SRFBP1: variants seen among roughly 807,000 people sequenced by gnomAD.
SRFBP1 encodes serum response factor-binding protein 1.
SRFBP1 carries 47 observed loss-of-function variants against 45.5 expected under a neutral mutation model. The observed-to-expected ratio is 1.03, with a 90% CI of 0.82 to 1.32. SRFBP1 has a LOEUF of 1.32. Among genes scored for constraint, SRFBP1 ranks in the 40% most tolerant of loss-of-function variants. The pLI is 0.00. For missense variants in SRFBP1, 621 were observed against 484.6 expected (o/e 1.28, Z -2.64); for synonymous variants, 203 against 166.3 (o/e 1.22, Z -1.70).
intron 2 of SRFBP1, among the ~76,000 whole-genome samples, chr5:122,035,757 CTT>C (rs1270864521): frequency 1.3e-5 from 2 of 152,100 alleles, no homozygotes; most frequent in Middle Eastern, 3.2e-3. Context: ...TGTGTTTTAT[CTT>C]ATGTAAGAGA....
At chr5:122,036,651 T>G (rs1753697826) in intron 2 of SRFBP1, among the ~76,000 whole-genome samples, 1 of 152,168 alleles carries the variant, frequency 6.6e-6, no homozygotes, top group Admixed American at 6.5e-5. Flanking sequence ...GTAAAAACCT[T>G]GAGCACCAAG....
At chr5:121,965,947 A>G (rs978398827) in intron 1 of SRFBP1, among the ~76,000 whole-genome samples, 10 of 152,182 alleles carry the variant, frequency 6.6e-5, no homozygotes, top group African/African-American at 1.7e-4. Context: ...TCTTTGTGCA[A>G]TTGTGAATCG....
rs1753130069 is a variant in SRFBP1, at chr5:122,013,205, T to C, written c.271-6055T>C. The stretch of plus-strand genomic sequence containing the variant: ...AGCACTCACTATGTCTGTATTGTAA[T>C]TTTTGAATATATTTTGTTAAGTATT... On this transcript the variant is annotated intron_variant, in intron 4 of 7. Transcript: ENST00000339397. Among the ~76,000 whole-genome samples the C allele has an allele frequency of 2.0e-5, 3 of 152,264 alleles. 1 individual carries two copies. The South Asian group carries it at 6.2e-4, about 32-fold the overall frequency.
Position 121,962,022 on chromosome 5 carries a change from C to T in SRFBP1, c.-11C>T, listed in dbSNP as rs1751953260. The stretch of plus-strand genomic sequence containing the variant: ...GTGCAGGCAGCGGCGGATCATATTC[C>T]TTCATCTACCATGGCTCAGCCGGGA... On this transcript the variant is annotated 5_prime_UTR_variant, in exon 1 of 8. Coordinates refer to ENST00000339397, the MANE Select transcript of SRFBP1 (RefSeq NM_152546.3). The T allele has an allele frequency of 5.6e-6, 9 of 1,613,984 alleles. No individual in the cohort carries two copies. Among genetic ancestry groups the T allele is most frequent in the Non-Finnish European group, 7.6e-6 (9 of 1,179,996 alleles).
chr5:121,998,875 TG>T (rs1476923092), intron 4 of SRFBP1, among the ~76,000 whole-genome samples: 2 of 152,224 alleles, frequency 1.3e-5, no homozygotes. Context: ...TTCCACTCTT[TG>T]GATTTTCTAC....
chr5:122,068,054 G>A (rs1580557339), intron 2 of SRFBP1, among the ~76,000 whole-genome samples: 1 of 150,936 alleles, frequency 6.6e-6, no homozygotes, highest in East Asian at 1.9e-4. Context: ...GAATAAGTAT[G>A]ACATTTTATT....
At chr5:121,966,419 C>G (rs1224958429) in intron 1 of SRFBP1, among the ~76,000 whole-genome samples, 1 of 152,088 alleles carries the variant, frequency 6.6e-6, no homozygotes, top group East Asian at 1.9e-4. Context: ...CAGCACAGTA[C>G]CTTGTCTACA....
chr5:122,062,825 A>T (rs778126125), intron 2 of SRFBP1, among the ~76,000 whole-genome samples: 2 of 151,952 alleles, frequency 1.3e-5, no homozygotes, highest in South Asian at 2.1e-4. Context: ...TATGATAGCA[A>T]TGTGTCTCTT....
At chr5:122,059,574 A>T (rs527513908) in intron 2 of SRFBP1, among the ~76,000 whole-genome samples, 3 of 152,058 alleles carry the variant, frequency 2.0e-5, no homozygotes, top group African/African-American at 7.2e-5. Context: ...GTAGCAAGAG[A>T]TAATATTGGG....
chr5:122,011,670 A>C (rs1753096714), intron 4 of SRFBP1, among the ~76,000 whole-genome samples: 1 of 152,176 alleles, frequency 6.6e-6, no homozygotes, highest in Admixed American at 6.5e-5. Context: ...GAGCTTCAAA[A>C]GTTGATCTGT....
At chr5:121,988,148 T>C (rs1411412772) in intron 3 of SRFBP1, among the ~76,000 whole-genome samples, 1 of 152,148 alleles carries the variant, frequency 6.6e-6, no homozygotes, top group African/African-American at 2.4e-5. Flanking sequence ...TAATATTAGT[T>C]TAACATAATT....
chr5:122,030,151 A>C (rs1753566139), downstream of SRFBP1, among the ~76,000 whole-genome samples: 1 of 152,248 alleles, frequency 6.6e-6, no homozygotes, highest in African/African-American at 2.4e-5. Flanking sequence ...CATCCAAAAA[A>C]TGTTTCTCTC....
In SRFBP1 at chr5:122,004,441, G is replaced by A. The variant is rs367804820; in HGVS notation, c.270+9771G>A. ...ATGAAAATCAGTTGGCCATAAATGCGTGGATTTATTTCAGGTGTCTCTATT... is the reference window on the plus strand; with the variant it reads ...ATGAAAATCAGTTGGCCATAAATGCATGGATTTATTTCAGGTGTCTCTATT... On this transcript the variant is annotated intron_variant, in intron 4 of 7. Transcript: ENST00000339397. Among the ~76,000 whole-genome samples the A allele has an allele frequency of 1.1e-4, 16 of 152,176 alleles. No individual in the cohort carries two copies. In the South Asian group the frequency reaches 1.9e-3, roughly 18 times the overall value.
At chr5:122,062,106 A>G (rs1561412730) in intron 2 of SRFBP1, among the ~76,000 whole-genome samples, 1 of 151,954 alleles carries the variant, frequency 6.6e-6, no homozygotes, top group Non-Finnish European at 1.5e-5. Context: ...AGACACTTAT[A>G]TATGCTAAAA....
At chr5:122,032,031 T>A (rs998849675), downstream of SRFBP1, among the ~76,000 whole-genome samples, 14 of 152,306 alleles carry the variant, frequency 9.2e-5, no homozygotes, top group Admixed American at 2.6e-4. Context: ...AAGATGAATG[T>A]ATTCTGGAAT....
At chr5:122,071,191 A>ATG (rs1353851542) in intron 2 of SRFBP1, among the ~76,000 whole-genome samples, 3 of 118,588 alleles carry the variant, frequency 2.5e-5, no homozygotes, top group African/African-American at 1.2e-4. Context: ...GTAAACATTT[A>ATG]TATGTGTGTG....
chr5:121,979,959 A>G (rs1437031687), intron 3 of SRFBP1, among the ~76,000 whole-genome samples: 1 of 152,168 alleles, frequency 6.6e-6, no homozygotes, highest in Non-Finnish European at 1.5e-5. Context: ...TACTAAGAGC[A>G]TTCTTCAGAT....
rs1754538277 is a variant in SRFBP1, at chr5:122,074,034, A to G, written n.312-1281A>G. ...ATACCTGTGTGTGTGCAGTACATGC[A>G]AATCGCCTGTGGTAGCCATAGTCAC... On this transcript the variant is annotated intron_variant and non_coding_transcript_variant, in intron 2 of 2. Coordinates refer to the SRFBP1 transcript ENST00000504881. 6.2e-7 allele frequency: 1 copy of G among 1,613,906 alleles called. No homozygotes were observed. The highest frequency in any genetic ancestry group is 8.5e-7 in the Non-Finnish European group (1 of 1,179,966).
intron 2 of SRFBP1, among the ~76,000 whole-genome samples, chr5:122,068,806 G>A (rs1387344819): frequency 2.6e-5 from 4 of 152,106 alleles, no homozygotes; most frequent in Non-Finnish European, 5.9e-5. Flanking sequence ...GTACAAAAAT[G>A]AGAGTGCAAA....
Sources: gnomAD v4.1 joint callset for allele counts (sites outside exome capture counted in the v4.1 genomes callset) on GRCh38, gnomAD v4.1.1 for gene constraint, MANE v1.5 for transcripts, NCBI Gene and HGNC (gene_info 2026-07-23, HGNC 2026-07-21) for gene names.